PDZRN3: variants seen among roughly 807,000 people sequenced by gnomAD.
PDZRN3 encodes the protein E3 ubiquitin-protein ligase PDZRN3.
In PDZRN3, 38 loss-of-function variants were observed where a neutral mutation model predicts 85.7. That is an observed-to-expected ratio of 0.44 (90% CI 0.34 to 0.58). PDZRN3 has a LOEUF of 0.58. Among genes scored for constraint, PDZRN3 ranks in the 20% least tolerant of loss-of-function variants. PDZRN3 has a pLI of 0.01. For missense variants in PDZRN3, 1,629 were observed against 1,506.4 expected, an observed-to-expected ratio of 1.08 and a Z score of -1.35; for synonymous variants, 759 against 638.0, an observed-to-expected ratio of 1.19 and a Z score of -2.86.
chr3:73,532,497 C>T (rs567284382), intron 3 of PDZRN3, among the ~76,000 whole-genome samples: 3 of 152,186 alleles, frequency 2.0e-5, no homozygotes, highest in African/African-American at 4.8e-5. Flanking sequence ...GTGCTGATGG[C>T]GTTCCTTGAG....
intron 3 of PDZRN3, among the ~76,000 whole-genome samples, chr3:73,531,779 C>G (rs114751116): frequency 6.6e-6 from 1 of 152,124 alleles, no homozygotes; most frequent in Non-Finnish European, 1.5e-5. Context: ...ATGTCTAGAC[C>G]GAGTGTCATC....
At chr3:73,492,473 A>G (rs949299392) in intron 3 of PDZRN3, among the ~76,000 whole-genome samples, 1 of 152,212 alleles carries the variant, frequency 6.6e-6, no homozygotes, top group Non-Finnish European at 1.5e-5. Flanking sequence ...GGACTTAACA[A>G]TTATCCAAAG....
At chr3:73,505,770 T>TA (rs1256701084) in intron 3 of PDZRN3, among the ~76,000 whole-genome samples, 7 of 151,832 alleles carry the variant, frequency 4.6e-5, no homozygotes, top group East Asian at 1.9e-4. Context: ...TCTTGTTTTT[T>TA]TAAAAAAAAA....
At chr3:73,619,889 G>A (rs1702826611) in intron 1 of PDZRN3, among the ~76,000 whole-genome samples, 1 of 152,242 alleles carries the variant, frequency 6.6e-6, no homozygotes, top group Non-Finnish European at 1.5e-5. Flanking sequence ...AAGATTTGTA[G>A]AGGAAAGAGT....
chr3:73,385,922 A>C (rs923108750), intron 8 of PDZRN3, 137 bp from the exon 9 acceptor site: 1 of 621,954 alleles, frequency 1.6e-6, no homozygotes, highest in African/African-American at 1.8e-5. Flanking sequence ...AGTCTGCCCA[A>C]TGATTTGCTG....
chr3:73,397,886 A>T (rs563073903), intron 5 of PDZRN3, among the ~76,000 whole-genome samples: 1 of 152,336 alleles, frequency 6.6e-6, no homozygotes, highest in East Asian at 1.9e-4. Flanking sequence ...CAAAGGGGCT[A>T]GAGATGGAGA....
chr3:73,593,707 T>TAC (rs201574221), intron 3 of PDZRN3, among the ~76,000 whole-genome samples: 4,780 of 100,666 alleles, frequency 0.047, 82 homozygotes, highest in African/African-American at 0.06. Context: ...CCGAAATAAA[T>TAC]ATACACACAC....
intron 3 of PDZRN3, among the ~76,000 whole-genome samples, chr3:73,521,743 A>G (rs939474850): frequency 6.6e-6 from 1 of 152,164 alleles, no homozygotes; most frequent in Non-Finnish European, 1.5e-5. Context: ...TAGACTACAA[A>G]ACCTCCAGAA....
At chr3:73,569,077 A>T in intron 3 of PDZRN3, 1 of 877,974 alleles carries the variant, frequency 1.1e-6, no homozygotes, top group Non-Finnish European at 1.6e-6. Context: ...GGCCCAAAGT[A>T]TGTGCTGCAG....
chr3:73,466,114 A>G (rs1010930580), intron 3 of PDZRN3, among the ~76,000 whole-genome samples: 1 of 152,226 alleles, frequency 6.6e-6, no homozygotes, highest in Non-Finnish European at 1.5e-5. Context: ...GTCTGGGAAT[A>G]TAACACCAGT....
rs79820430 is a variant in PDZRN3, at chr3:73,417,983, C to T, written c.919-13588G>A. The stretch of plus-strand genomic sequence containing the variant: ...ACACAGAAATTGGGAAGATTTAGAA[C>T]CTATATGAATCAAAAGTAAACTTAA... On this transcript the variant is annotated intron_variant, in intron 3 of 9. Transcript: ENST00000263666. Among the ~76,000 whole-genome samples, 11 of 152,240 alleles carry T rather than the reference C, an allele frequency of 7.2e-5. No individual in the cohort carries two copies. In the East Asian group the frequency reaches 2.1e-3, roughly 29 times the overall value.
At chr3:73,566,810 T>G (rs4282009) in intron 3 of PDZRN3, among the ~76,000 whole-genome samples, 110,113 of 151,946 alleles carry the variant, frequency 0.72, 41,153 homozygotes, top group South Asian at 0.81. Flanking sequence ...GGTGTCTTGC[T>G]GGTGTCTCTG....
intron 3 of PDZRN3, among the ~76,000 whole-genome samples, chr3:73,480,540 T>C (rs1454769436): frequency 1.3e-5 from 2 of 152,186 alleles, no homozygotes; most frequent in African/African-American, 4.8e-5. Context: ...TTCCTGGACA[T>C]ACTCTCTAGC....
chr3:73,564,977 T>C lies in PDZRN3; in HGVS notation c.918+37377A>G, dbSNP rs141286714. 4.6e-5 allele frequency among the ~76,000 whole-genome samples: 7 copies of C among 152,314 alleles called. No homozygotes were observed. The East Asian group carries it at 1.4e-3, about 29-fold the overall frequency. On this transcript the variant is annotated intron_variant, in intron 3 of 9. Coordinates refer to ENST00000263666, the MANE Select transcript of PDZRN3 (RefSeq NM_015009.3). The stretch of plus-strand genomic sequence containing the variant: ...TCATCATCATTACCACCACTGCCAA[T>C]TTCTACATCTGCATTATCAAAGTTA...
intron 1 of PDZRN3, 53 bp downstream of exon 1, chr3:73,624,050 C>A: frequency 7.2e-7 from 1 of 1,387,000 alleles, no homozygotes; most frequent in Admixed American, 3.6e-5. Flanking sequence ...GGGGCGGGGC[C>A]CTGGGTCCCC....
intron 3 of PDZRN3, among the ~76,000 whole-genome samples, chr3:73,441,923 ATACT>A (rs970659138): frequency 6.6e-6 from 1 of 152,240 alleles, no homozygotes; most frequent in Non-Finnish European, 1.5e-5. Flanking sequence ...TTTCCTTTTA[ATACT>A]TACAGCTACC....
At chr3:73,422,557 A>G (rs1169778282) in intron 3 of PDZRN3, among the ~76,000 whole-genome samples, 1 of 152,228 alleles carries the variant, frequency 6.6e-6, no homozygotes, top group Non-Finnish European at 1.5e-5. Flanking sequence ...AGGATAAAAA[A>G]TACAACACTG....
intron 9 of PDZRN3, among the ~76,000 whole-genome samples, chr3:73,385,217 G>A (rs1701343661): frequency 6.6e-6 from 1 of 151,412 alleles, no homozygotes; most frequent in East Asian, 1.9e-4. Flanking sequence ...AAATGAATCA[G>A]TACACAGGTA....
intron 3 of PDZRN3, among the ~76,000 whole-genome samples, chr3:73,516,028 A>C (rs1201208359): frequency 6.6e-6 from 1 of 152,098 alleles, no homozygotes; most frequent in African/African-American, 2.4e-5. Context: ...AGATCTGTCT[A>C]ACTGAGCGTT....
Sources: gnomAD v4.1 joint callset for allele counts (sites outside exome capture counted in the v4.1 genomes callset) on GRCh38, gnomAD v4.1.1 for gene constraint, MANE v1.5 for transcripts, NCBI Gene and HGNC (gene_info 2026-07-23, HGNC 2026-07-21) for gene names.